The following AGXT2 variants were observed in gnomAD, a reference collection of about 807,000 sequenced individuals.
The protein encoded by AGXT2 is alanine--glyoxylate aminotransferase 2, mitochondrial.
AGXT2 carries 61 observed loss-of-function variants against 62.5 expected under a neutral mutation model. The observed-to-expected ratio is 0.98, with a 90% CI of 0.79 to 1.21. The LOEUF (loss-of-function observed/expected upper bound fraction) is 1.21, where lower values mean the gene tolerates loss of function less well. Ranked by LOEUF, AGXT2 falls within the 50% of genes most tolerant of loss-of-function variation. The probability of loss-of-function intolerance (pLI) is 0.00; values close to 1 mark genes in which losing one functional copy is unlikely to be tolerated. For synonymous variants in AGXT2, 243 were observed against 218.7 expected (o/e 1.11, Z -0.98); for missense variants, 666 against 641.5 (o/e 1.04, Z -0.41).
intron 9 of AGXT2, among the ~76,000 whole-genome samples, chr5:35,017,870 G>C (rs1766907465): frequency 6.6e-6 from 1 of 152,160 alleles, no homozygotes; most frequent in Non-Finnish European, 1.5e-5. Context: ...ATAAAGAGAA[G>C]TGCTTAAAGG....
chr5:35,014,396 T>A (rs1261158460), intron 9 of AGXT2, among the ~76,000 whole-genome samples: 1 of 134,470 alleles, frequency 7.4e-6, no homozygotes, highest in Non-Finnish European at 1.5e-5. Context: ...GAGGCTGCAG[T>A]GAGCCGAGAT....
chr5:35,028,670 C>T (rs955662340), intron 7 of AGXT2, among the ~76,000 whole-genome samples: 3 of 150,262 alleles, frequency 2.0e-5, no homozygotes, highest in Admixed American at 6.6e-5. Context: ...TGTATCCATA[C>T]ATGACTGAAT....
chr5:35,045,746 TTTTTC>T (rs1305684260), intron 1 of AGXT2, among the ~76,000 whole-genome samples: 1 of 116,812 alleles, frequency 8.6e-6, no homozygotes, highest in Non-Finnish European at 1.9e-5. Flanking sequence ...TAGTGTGGTT[TTTTTC>T]TTTTTCTTTT....
chr5:35,000,115 C>A (rs1417866524), intron 13 of AGXT2, among the ~76,000 whole-genome samples: 1 of 152,178 alleles, frequency 6.6e-6, no homozygotes, highest in African/African-American at 2.4e-5. Context: ...CCATTCACAT[C>A]TCAATTGGTT....
At chr5:35,013,167 A>T (rs1346408513) in intron 10 of AGXT2, 122 bp from the exon 11 acceptor site, 1 of 851,862 alleles carries the variant, frequency 1.2e-6, no homozygotes, top group African/African-American at 1.7e-5. Context: ...TTCATCCTTC[A>T]TTCAACTGAT....
intron 1 of AGXT2, among the ~76,000 whole-genome samples, chr5:35,042,647 G>A (rs1768028016): frequency 6.6e-6 from 1 of 152,000 alleles, no homozygotes; most frequent in African/African-American, 2.4e-5. Flanking sequence ...AATAGCCTGT[G>A]TTTTGAGGAT....
At chr5:35,008,344 A>G (rs1766509607) in intron 12 of AGXT2, among the ~76,000 whole-genome samples, 1 of 152,224 alleles carries the variant, frequency 6.6e-6, no homozygotes, top group African/African-American at 2.4e-5. Flanking sequence ...ATCTTTGTTC[A>G]TATGACTTTG....
chr5:35,005,817 C>T (rs576281781), intron 12 of AGXT2, among the ~76,000 whole-genome samples: 1 of 151,982 alleles, frequency 6.6e-6, no homozygotes, highest in Non-Finnish European at 1.5e-5. Context: ...GTATAATGGA[C>T]CATCGTGTTT....
At chr5:35,022,044 G>C (rs1767119595) in intron 9 of AGXT2, among the ~76,000 whole-genome samples, 2 of 152,226 alleles carry the variant, frequency 1.3e-5, no homozygotes, top group South Asian at 4.1e-4. Flanking sequence ...ACACCAGTTA[G>C]AATGGTGATC....
At chr5:35,042,501 A>G (rs1160597034) in intron 1 of AGXT2, among the ~76,000 whole-genome samples, 1 of 152,176 alleles carries the variant, frequency 6.6e-6, no homozygotes, top group Non-Finnish European at 1.5e-5. Flanking sequence ...CTCTTAATAA[A>G]TAACTAAAAC....
At chr5:35,009,451 C>T (rs1766543903) in intron 12 of AGXT2, among the ~76,000 whole-genome samples, 1 of 152,030 alleles carries the variant, frequency 6.6e-6, no homozygotes, top group Admixed American at 6.6e-5. Flanking sequence ...CAAAAATTAG[C>T]CAGGTATGGT....
At chr5:35,040,924 G>A (rs1408175307) in intron 1 of AGXT2, among the ~76,000 whole-genome samples, 1 of 152,002 alleles carries the variant, frequency 6.6e-6, no homozygotes, top group Non-Finnish European at 1.5e-5. Flanking sequence ...CTCAGTTTAG[G>A]CAAACTCTCC....
At chr5:35,009,753 C>T (rs575302385) in intron 12 of AGXT2, among the ~76,000 whole-genome samples, 1 of 152,298 alleles carries the variant, frequency 6.6e-6, no homozygotes, top group East Asian at 1.9e-4. Context: ...ATGCTATTTG[C>T]CTAGGATGGC....
intron 7 of AGXT2, among the ~76,000 whole-genome samples, chr5:35,032,478 T>G (rs1040423764): frequency 2.6e-5 from 4 of 152,196 alleles, no homozygotes; most frequent in Non-Finnish European, 4.4e-5. Flanking sequence ...TGATAGTCGT[T>G]TTTTTGAGCT....
At chr5:35,028,940 C>T (rs1021701919) in intron 7 of AGXT2, among the ~76,000 whole-genome samples, 1 of 152,134 alleles carries the variant, frequency 6.6e-6, no homozygotes, top group Non-Finnish European at 1.5e-5. Context: ...CAATCACCAT[C>T]AAAACCGAAT....
At position 35,013,975 on chromosome 5, in the gene AGXT2, T is replaced by C. The variant is rs1008297718; in HGVS notation, c.1096+12A>G. The C allele has an allele frequency of 1.2e-6, 2 of 1,613,760 alleles. No homozygotes were observed. The highest frequency in any genetic ancestry group is 1.7e-6 in the Non-Finnish European group (2 of 1,179,874). ...GGCCCAGAAGCAAACACAAACTGCCTGTGGGTCCTACCTGGAGTGGTTATG... is the reference window on the plus strand; with the variant it reads ...GGCCCAGAAGCAAACACAAACTGCCCGTGGGTCCTACCTGGAGTGGTTATG... On this transcript the variant is annotated intron_variant, in intron 10 of 13. Transcript: ENST00000231420.
At chr5:35,017,842 G>A (rs1299061999) in intron 9 of AGXT2, among the ~76,000 whole-genome samples, 4 of 152,172 alleles carry the variant, frequency 2.6e-5, no homozygotes, top group South Asian at 2.1e-4. Flanking sequence ...TTAGAAGAAT[G>A]TATATCTAGA....
At position 35,026,775 on chromosome 5, in the gene AGXT2, T is replaced by C. The variant is rs1767370334; in HGVS notation, c.770-265A>G. 7.9e-5 allele frequency: 73 copies of C among 928,690 alleles called. 1 individual carries two copies. Among genetic ancestry groups the C allele is most frequent in the Non-Finnish European group, 9.4e-5 (73 of 778,364 alleles). 57.5% of individuals were successfully genotyped at this position (928,690 alleles called of 1,614,324 possible). On this transcript the variant is annotated intron_variant, in intron 7 of 13. Transcript: ENST00000231420. ...ACAAACCACTTCAGTTCTTTCCATC[T>C]GGGGAAGAAACGTCCCAAAGTGTCA...
chr5:35,014,095 C>T lies in AGXT2; in HGVS notation c.988G>A (p.Gly330Ser), dbSNP rs1766753939. ...GTTTGGAAGCCCCAGAAGTGAGAGC[C>T]CAACCTTCCAAATCCTGTCTGCACC... ...DEVQTGFGRL[G>S]SHFWGFQTHD... Residue 330 changes from glycine to serine, a missense_variant, in exon 10 of 14, where the codon GGC becomes AGC. By Grantham distance (56) the Gly-to-Ser change is moderately conservative. Transcript: ENST00000231420. The T allele has an allele frequency of 6.2e-7, 1 of 1,613,980 alleles. No homozygotes were observed. The highest frequency in any genetic ancestry group is 1.3e-5 in the African/African-American group (1 of 74,888).
Sources: gnomAD v4.1 joint callset for allele counts (sites outside exome capture counted in the v4.1 genomes callset) on GRCh38, gnomAD v4.1.1 for gene constraint, MANE v1.5 for transcripts, NCBI Gene and HGNC (gene_info 2026-07-23, HGNC 2026-07-21) for gene names.